Variants in ATAD1 observed in about 807,000 individuals in gnomAD.
ATAD1 encodes ATPase family AAA domain containing 1.
In ATAD1, 18 loss-of-function variants were observed where a neutral mutation model predicts 42.7. The ratio of observed to expected loss-of-function variants is 0.42; its 90% CI spans 0.29 to 0.63. The LOEUF is 0.63. ATAD1 is among the 20% of genes least tolerant of loss of function. The pLI is 0.19. For missense variants in ATAD1, 294 were observed against 440.4 expected (o/e 0.67, Z 2.98); for synonymous variants, 132 against 143.1 (o/e 0.92, Z 0.55).
chr10:87,826,908 T>C (rs1352792101), intron 1 of ATAD1, among the ~76,000 whole-genome samples: 1 of 152,164 alleles, frequency 6.6e-6, no homozygotes, highest in African/African-American at 2.4e-5. Flanking sequence ...CACACACTCA[T>C]AGGCCAAAAA....
intron 1 of ATAD1, among the ~76,000 whole-genome samples, chr10:87,832,571 T>A (rs1857852467): frequency 6.6e-6 from 1 of 152,166 alleles, no homozygotes; most frequent in African/African-American, 2.4e-5. Flanking sequence ...AACCTTATTT[T>A]TCTTTTTCAA....
At position 87,787,694 on chromosome 10, in the gene ATAD1, A is replaced by T. The variant is rs1855903980; in HGVS notation, c.382+2616T>A. Reference sequence around the variant, plus strand: ...TCATTTGTGACAAATATTCCACCTTATTAGTGACTATTTTTCTTTTTTGGA... The same window carrying T: ...TCATTTGTGACAAATATTCCACCTTTTTAGTGACTATTTTTCTTTTTTGGA... On this transcript the variant is annotated intron_variant, in intron 4 of 9. Transcript: ENST00000680024. 2.0e-5 allele frequency among the ~76,000 whole-genome samples: 3 copies of T among 152,336 alleles called. No individual in the cohort carries two copies. In the South Asian group the frequency reaches 6.2e-4, roughly 32 times the overall value.
intron 3 of ATAD1, among the ~76,000 whole-genome samples, chr10:87,791,195 ACT>A: frequency 7.4e-6 from 1 of 135,740 alleles, no homozygotes; most frequent in Admixed American, 7.4e-5. Flanking sequence ...ACAGAGTGAG[ACT>A]CTGTCTCAAA....
At chr10:87,793,955 G>T (rs1856253524) in intron 2 of ATAD1, among the ~76,000 whole-genome samples, 1 of 152,008 alleles carries the variant, frequency 6.6e-6, no homozygotes, top group South Asian at 2.1e-4. Flanking sequence ...GTACTATGGG[G>T]GCCAGGAATG....
intron 9 of ATAD1, among the ~76,000 whole-genome samples, chr10:87,756,043 T>C (rs1854207886): frequency 6.6e-6 from 1 of 152,206 alleles, no homozygotes; most frequent in African/African-American, 2.4e-5. Context: ...CAAAACATTT[T>C]TTTGCTGAAG....
chr10:87,782,758 A>G (rs149364084), intron 5 of ATAD1, among the ~76,000 whole-genome samples: 102 of 152,298 alleles, frequency 6.7e-4, no homozygotes, highest in African/African-American at 2.3e-3. Flanking sequence ...GCACTTTAGG[A>G]GGCTGAGGCA....
At chr10:87,834,373 C>T (rs1857892186) in intron 1 of ATAD1, among the ~76,000 whole-genome samples, 1 of 152,004 alleles carries the variant, frequency 6.6e-6, no homozygotes, top group African/African-American at 2.4e-5. Flanking sequence ...ATTAATTCAC[C>T]TTAAAATGAT....
chr10:87,777,739 C>T (rs899223850), intron 5 of ATAD1, among the ~76,000 whole-genome samples: 8 of 152,230 alleles, frequency 5.3e-5, no homozygotes, highest in African/African-American at 1.4e-4. Flanking sequence ...CAAACTTTGT[C>T]GATCATACAT....
At chr10:87,837,565 T>A (rs1439686969) in intron 1 of ATAD1, among the ~76,000 whole-genome samples, 1 of 152,164 alleles carries the variant, frequency 6.6e-6, no homozygotes, top group Non-Finnish European at 1.5e-5. Context: ...TAGGAGGTTA[T>A]AATCAACTTA....
At chr10:87,761,424 G>C (rs947146257) in intron 8 of ATAD1, among the ~76,000 whole-genome samples, 1 of 152,204 alleles carries the variant, frequency 6.6e-6, no homozygotes, top group African/African-American at 2.4e-5. Context: ...CACTTTGGGA[G>C]GCTGAGATGG....
At chr10:87,760,278 T>C (rs1367379238) in intron 8 of ATAD1, among the ~76,000 whole-genome samples, 1 of 152,126 alleles carries the variant, frequency 6.6e-6, no homozygotes, top group Non-Finnish European at 1.5e-5. Flanking sequence ...GATTGGATTA[T>C]GGGGACAGAC....
In ATAD1 at chr10:87,770,945, C is replaced by T. The variant is rs761157221; in HGVS notation, c.780+7G>A. 2 of 1,610,016 alleles carry T rather than the reference C, an allele frequency of 1.2e-6. No individual in the cohort carries two copies. The highest frequency in any genetic ancestry group is 2.7e-5 in the African/African-American group (2 of 74,884). ...AACTCTTCATAATATCAATCAAGACCACCTACAGGCTGGTTGATATGAAAT... is the reference window on the plus strand; with the variant it reads ...AACTCTTCATAATATCAATCAAGACTACCTACAGGCTGGTTGATATGAAAT... On this transcript the variant is annotated splice_region_variant and intron_variant, in intron 7 of 9. Coordinates refer to ENST00000680024, the MANE Select transcript of ATAD1 (RefSeq NM_001321967.2).
Position 87,753,598 on chromosome 10 carries a change from C to T in ATAD1, c.*1089G>A, listed in dbSNP as rs1325647746. The T allele has an allele frequency of 6.6e-6, 1 of 152,512 alleles. No homozygotes were observed. Among genetic ancestry groups the T allele is most frequent in the Non-Finnish European group, 1.5e-5 (1 of 67,996 alleles). 9.4% of individuals were successfully genotyped at this position (152,512 alleles called of 1,614,324 possible). A position where few individuals can be genotyped will look rare whatever the true frequency, so the allele number is the denominator to read the frequency against. ...TACAATATGGGCATTTTGATGTGTA[C>T]ATTTGTACCTGACTTAGGGCACAAT... On this transcript the variant is annotated 3_prime_UTR_variant, in exon 10 of 10. Transcript: ENST00000680024.
chr10:87,790,435 CA>C lies in ATAD1; in HGVS notation c.262-6del. ...TGCTATATCACTCCAAGTAACCTGG[CA>C]AAAGTTAAGGTCAACATGAATTTTA... On this transcript the variant is annotated splice_region_variant and splice_polypyrimidine_tract_variant and intron_variant, in intron 3 of 9. Coordinates refer to ENST00000680024, the MANE Select transcript of ATAD1 (RefSeq NM_001321967.2). 1.3e-6 allele frequency: 2 copies of C among 1,595,700 alleles called. No homozygotes were observed. The highest frequency in any genetic ancestry group is 1.7e-6 in the Non-Finnish European group (2 of 1,175,644).
intron 3 of ATAD1, among the ~76,000 whole-genome samples, chr10:87,792,307 A>G (rs1396934957): frequency 6.6e-6 from 1 of 152,194 alleles, no homozygotes; most frequent in East Asian, 1.9e-4. Context: ...CTATATAACC[A>G]GCCCCCAATA....
intron 2 of ATAD1, among the ~76,000 whole-genome samples, chr10:87,798,622 G>GA (rs1491539182): frequency 2.8e-5 from 4 of 143,786 alleles, no homozygotes; most frequent in African/African-American, 1.1e-4. Flanking sequence ...AAAAGCTATA[G>GA]GGGGTGTGTG....
intron 5 of ATAD1, among the ~76,000 whole-genome samples, chr10:87,779,829 G>T (rs907434823): frequency 6.6e-6 from 1 of 152,104 alleles, no homozygotes; most frequent in African/African-American, 2.4e-5. Flanking sequence ...AAAACCAAAT[G>T]CTAGAGAAGA....
Position 87,803,534 on chromosome 10 carries a change from T to C in ATAD1, c.163-10779A>G, listed in dbSNP as rs73352876. Among the ~76,000 whole-genome samples the C allele has an allele frequency of 8.1e-3, 1,237 of 152,338 alleles. 12 individuals carry two copies. Among genetic ancestry groups the C allele is most frequent in the African/African-American group, 0.028 (1,182 of 41,570 alleles). On this transcript the variant is annotated intron_variant, in intron 2 of 9. Coordinates refer to ENST00000680024, the MANE Select transcript of ATAD1 (RefSeq NM_001321967.2). Reference sequence around the variant, plus strand: ...AAAGAATGCAACCATTGGTCTCTTATCTACTTATGACCTGGAAGTCTCCTC... The same window carrying C: ...AAAGAATGCAACCATTGGTCTCTTACCTACTTATGACCTGGAAGTCTCCTC...
In ATAD1 at chr10:87,790,370, T is replaced by C; in HGVS notation, c.322A>G (p.Ile108Val). ...DVITDLKDTVILPIKKKHLFE... is the reference protein window; with the variant it reads ...DVITDLKDTVVLPIKKKHLFE... ...AAATGTTTCTTTTTGATAGGTAAGA[T>C]GACTGTGTCTTTCAGATCCGTAATG... The change falls in exon 4 of 10, where the codon ATC becomes GTC. Residue 108 changes from isoleucine (I) to valine (V), a missense_variant. Coordinates refer to ENST00000680024, the MANE Select transcript of ATAD1 (RefSeq NM_001321967.2). The C allele has an allele frequency of 6.2e-7, 1 of 1,613,148 alleles. No individual in the cohort carries two copies. Among genetic ancestry groups the C allele is most frequent in the Non-Finnish European group, 8.5e-7 (1 of 1,179,798 alleles).
Sources: allele counts gnomAD v4.1 joint callset (sites outside exome capture counted in the v4.1 genomes callset), GRCh38; gene constraint gnomAD v4.1.1; transcripts MANE v1.5; gene names NCBI Gene and HGNC (gene_info 2026-07-23, HGNC 2026-07-21).